Variants in CFAP300 observed in about 807,000 individuals in gnomAD.
CFAP300 encodes the protein cilia and flagella associated protein 300.
CFAP300 carries 32 observed loss-of-function variants against 33.0 expected under a neutral mutation model. That is an observed-to-expected ratio of 0.97 (90% CI 0.73 to 1.30). CFAP300 has a LOEUF of 1.30. CFAP300 is among the 50% of genes most tolerant of loss of function. The probability of loss-of-function intolerance (pLI) is 0.00; values close to 1 mark genes in which losing one functional copy is unlikely to be tolerated. For missense variants in CFAP300, 356 were observed against 318.1 expected (o/e 1.12, Z -0.90); for synonymous variants, 102 against 106.8 (o/e 0.95, Z 0.28).
At chr11:102,073,471 G>A (rs896769027) in intron 4 of CFAP300, among the ~76,000 whole-genome samples, 3 of 152,218 alleles carry the variant, frequency 2.0e-5, no homozygotes, top group African/African-American at 7.2e-5. Flanking sequence ...TGCCAGGCCA[G>A]AGGGGCTGTC....
chr11:102,079,010 G>A (rs1289629651), intron 5 of CFAP300, among the ~76,000 whole-genome samples: 3 of 152,010 alleles, frequency 2.0e-5, no homozygotes, highest in Admixed American at 6.6e-5. Context: ...GTGCCCGGCC[G>A]ATATACTTGT....
intron 6 of CFAP300, among the ~76,000 whole-genome samples, chr11:102,081,659 G>A (rs773886228): frequency 1.3e-5 from 2 of 152,050 alleles, no homozygotes; most frequent in Non-Finnish European, 2.9e-5. Flanking sequence ...TTAGGGGGCC[G>A]AGGCAGGCAG....
At chr11:102,057,598 ATTTGGGAGTAACT>A (rs2135021062) in intron 2 of CFAP300, among the ~76,000 whole-genome samples, 1 of 152,320 alleles carries the variant, frequency 6.6e-6, no homozygotes, top group South Asian at 2.1e-4. Flanking sequence ...CAACCATGCA[ATTTGGGAGTAACT>A]TTTGGGAAGT....
At chr11:102,055,096 T>C (rs1337986286) in intron 2 of CFAP300, among the ~76,000 whole-genome samples, 2 of 150,386 alleles carry the variant, frequency 1.3e-5, no homozygotes, top group Admixed American at 6.6e-5. Flanking sequence ...TTCTCCTGCC[T>C]TAGCCTCCTG....
In CFAP300 at chr11:102,077,101, C is replaced by T. The variant is rs565882974; in HGVS notation, c.608+1056C>T. On this transcript the variant is annotated intron_variant, in intron 5 of 6. Transcript: ENST00000434758. The stretch of plus-strand genomic sequence containing the variant: ...CCCTACACATACACACACACACACA[C>T]GCACTCATGCACGTACACACATACT... Among the ~76,000 whole-genome samples the T allele has an allele frequency of 1.4e-3, 218 of 152,214 alleles. 2 individuals are homozygous for T. The highest frequency in any genetic ancestry group is 5.0e-3 in the African/African-American group (207 of 41,522).
intron 6 of CFAP300, among the ~76,000 whole-genome samples, chr11:102,082,776 A>G (rs1942493077): frequency 6.6e-6 from 1 of 152,180 alleles, no homozygotes; most frequent in South Asian, 2.1e-4. Context: ...AGACAGGTGG[A>G]TCACAAAGTC....
chr11:102,056,900 C>T (rs1942067667), intron 2 of CFAP300, among the ~76,000 whole-genome samples: 2 of 151,310 alleles, frequency 1.3e-5, no homozygotes, highest in South Asian at 2.1e-4. Flanking sequence ...CCTGGGATTA[C>T]AGGCCTGAGC....
intron 2 of CFAP300, among the ~76,000 whole-genome samples, chr11:102,050,697 A>G (rs1941955449): frequency 6.6e-6 from 1 of 152,216 alleles, no homozygotes; most frequent in Non-Finnish European, 1.5e-5. Context: ...TGGTCAGAAG[A>G]GCATTTATAA....
chr11:102,067,276 T>G (rs563027531), intron 4 of CFAP300, among the ~76,000 whole-genome samples: 1 of 152,266 alleles, frequency 6.6e-6, no homozygotes, highest in East Asian at 1.9e-4. Context: ...GTGAGAAGAT[T>G]GAGTCTGGGA....
At chr11:102,054,564 A>G (rs1283388243) in intron 2 of CFAP300, among the ~76,000 whole-genome samples, 1 of 151,430 alleles carries the variant, frequency 6.6e-6, no homozygotes, top group East Asian at 1.9e-4. Flanking sequence ...ACCTGTCTCT[A>G]TTAAAAATAC....
chr11:102,066,684 AT>A (rs781594075), intron 4 of CFAP300, 33 bp downstream of exon 4: 2 of 1,558,472 alleles, frequency 1.3e-6, no homozygotes, highest in Non-Finnish European at 1.7e-6. Flanking sequence ...TCGCAGTGGA[AT>A]TTTATTTCAG....
chr11:102,080,381 A>G (rs890554425), intron 5 of CFAP300, among the ~76,000 whole-genome samples: 6 of 152,116 alleles, frequency 3.9e-5, no homozygotes, highest in African/African-American at 1.4e-4. Flanking sequence ...TATATAATTT[A>G]ACAAATAGTT....
rs368559847 is a variant in CFAP300 at position 102,052,730 on chromosome 11, T to G, written c.192+4834T>G. 9.2e-5 allele frequency among the ~76,000 whole-genome samples: 14 copies of G among 152,292 alleles called. No individual in the cohort carries two copies. The South Asian group carries it at 2.3e-3, about 25-fold the overall frequency. On this transcript the variant is annotated intron_variant, in intron 2 of 6. Coordinates refer to ENST00000434758, the MANE Select transcript of CFAP300 (RefSeq NM_032930.3). ...TCCTTCTCCATTTGTTTCTTCCTCC[T>G]AAATAACATTAAATCCATCTACTTC... is the stretch of plus-strand genomic sequence containing the variant.
At chr11:102,080,705 A>G (rs1207918305) in intron 5 of CFAP300, among the ~76,000 whole-genome samples, 1 of 152,160 alleles carries the variant, frequency 6.6e-6, no homozygotes, top group Non-Finnish European at 1.5e-5. Flanking sequence ...CGGCCCACAA[A>G]TAGTTTTTAT....
intron 1 of CFAP300, 85 bp downstream of exon 1, chr11:102,047,665 G>T: frequency 6.8e-7 from 1 of 1,464,178 alleles, no homozygotes. Flanking sequence ...GGGCCCGCGC[G>T]GGTCGGCGCC....
chr11:102,081,673 A>C (rs992093839), intron 6 of CFAP300, among the ~76,000 whole-genome samples: 1 of 152,102 alleles, frequency 6.6e-6, no homozygotes, highest in Non-Finnish European at 1.5e-5. Flanking sequence ...CAGGCAGATC[A>C]CGAGCTCAGG....
chr11:102,055,217 G>T (rs886304699), intron 2 of CFAP300, among the ~76,000 whole-genome samples: 1 of 152,006 alleles, frequency 6.6e-6, no homozygotes, highest in Non-Finnish European at 1.5e-5. Flanking sequence ...CTGACCTCGC[G>T]ATCTGCCTGC....
At chr11:102,071,462 C>T (rs1391157267) in intron 4 of CFAP300, among the ~76,000 whole-genome samples, 4 of 152,136 alleles carry the variant, frequency 2.6e-5, no homozygotes, top group African/African-American at 9.7e-5. Context: ...TATGTGAGGA[C>T]ATACTTCTGT....
intron 2 of CFAP300, among the ~76,000 whole-genome samples, chr11:102,057,590 A>C (rs762848862): frequency 1.3e-5 from 2 of 152,194 alleles, no homozygotes; most frequent in African/African-American, 4.8e-5. Context: ...CTTGTAAACA[A>C]CCATGCAATT....
Sources: allele counts gnomAD v4.1 joint callset (sites outside exome capture counted in the v4.1 genomes callset), GRCh38; gene constraint gnomAD v4.1.1; transcripts MANE v1.5; gene names NCBI Gene and HGNC (gene_info 2026-07-23, HGNC 2026-07-21).